CSMD1: variants seen among roughly 807,000 people sequenced by gnomAD.
CSMD1 encodes CUB and Sushi multiple domains 1.
Under a neutral mutation model 417.5 loss-of-function variants are expected in CSMD1, and 213 were observed. The ratio of observed to expected loss-of-function variants is 0.51; its 90% CI spans 0.46 to 0.57. The LOEUF (loss-of-function observed/expected upper bound fraction) is 0.57, where lower values mean the gene tolerates loss of function less well. Among genes scored for constraint, CSMD1 ranks in the 20% least tolerant of loss-of-function variants. CSMD1 has a pLI of 0.00. For missense variants in CSMD1, 6,923 were observed against 4,529.7 expected (o/e 1.53, Z -15.17); for synonymous variants, 2,862 against 1,736.8 (o/e 1.65, Z -16.11).
chr8:4,116,258 T>G (rs566890822), intron 3 of CSMD1, among the ~76,000 whole-genome samples: 150 of 152,034 alleles, frequency 9.9e-4, no homozygotes, highest in African/African-American at 3.2e-3. Context: ...CCTCCCACAG[T>G]GCTGGGATTA....
intron 5 of CSMD1, among the ~76,000 whole-genome samples, chr8:3,800,143 T>C (rs1177428152): frequency 1.3e-5 from 2 of 152,138 alleles, no homozygotes; most frequent in Non-Finnish European, 2.9e-5. Flanking sequence ...GTATGAGTTG[T>C]TTCCATGTGG....
chr8:4,945,726 G>A (rs760665340), intron 1 of CSMD1, among the ~76,000 whole-genome samples: 1 of 152,058 alleles, frequency 6.6e-6, no homozygotes, highest in Non-Finnish European at 1.5e-5. Flanking sequence ...TACAGCTTTT[G>A]GAGGGTACAA....
chr8:3,417,253 G>C (rs923153641), intron 12 of CSMD1, among the ~76,000 whole-genome samples: 2 of 152,102 alleles, frequency 1.3e-5, no homozygotes, highest in Non-Finnish European at 2.9e-5. Context: ...AATTCCATAC[G>C]GTTTGCTACT....
chr8:4,721,118 T>C (rs1346852252), intron 1 of CSMD1, among the ~76,000 whole-genome samples: 2 of 152,176 alleles, frequency 1.3e-5, no homozygotes, highest in African/African-American at 4.8e-5. Context: ...TTTGGAAACT[T>C]ACAAATGCAA....
chr8:4,931,975 G>T (rs1004245509), intron 1 of CSMD1, among the ~76,000 whole-genome samples: 3 of 150,764 alleles, frequency 2.0e-5, no homozygotes, highest in African/African-American at 7.3e-5. Context: ...TTAAAATTCA[G>T]GAAAAAATTT....
At chr8:3,564,021 T>C (rs985359184) in intron 10 of CSMD1, among the ~76,000 whole-genome samples, 1 of 152,216 alleles carries the variant, frequency 6.6e-6, no homozygotes, top group African/African-American at 2.4e-5. Context: ...ACTTTTATTT[T>C]GATTTGTAGT....
intron 2 of CSMD1, among the ~76,000 whole-genome samples, chr8:4,436,092 C>T (rs1019058453): frequency 5.9e-5 from 9 of 152,132 alleles, no homozygotes; most frequent in Non-Finnish European, 1.3e-4. Context: ...ATAAAACCAA[C>T]ATGTCCAACT....
At chr8:4,446,755 CTGTGTGTGTGTGTGTGTGTGTGTGTG>C (rs58002310) in intron 2 of CSMD1, among the ~76,000 whole-genome samples, 84 of 133,020 alleles carry the variant, frequency 6.3e-4, no homozygotes, top group Admixed American at 2.2e-3. Context: ...GTGTGTGTGT[CTGTGTGTGTGTGTGTGTGTGTGTGTG>C]TGTGTGTGTG....
intron 2 of CSMD1, among the ~76,000 whole-genome samples, chr8:4,611,138 G>C (rs887547554): frequency 2.0e-5 from 3 of 152,138 alleles, no homozygotes; most frequent in Non-Finnish European, 2.9e-5. Flanking sequence ...TTACTGTTTA[G>C]TAATATGTTC....
At chr8:3,061,235 G>C (rs1193290043) in intron 49 of CSMD1, among the ~76,000 whole-genome samples, 1 of 152,064 alleles carries the variant, frequency 6.6e-6, no homozygotes, top group African/African-American at 2.4e-5. Flanking sequence ...GGGGTTCTTT[G>C]ACAGATGTAC....
chr8:3,381,387 T>G (rs1345818616), intron 18 of CSMD1, among the ~76,000 whole-genome samples: 1 of 152,220 alleles, frequency 6.6e-6, no homozygotes, highest in Non-Finnish European at 1.5e-5. Flanking sequence ...GAAAGCCATA[T>G]GTGTTTGCAT....
chr8:4,922,471 C>A (rs546720422), intron 1 of CSMD1, among the ~76,000 whole-genome samples: 6 of 152,182 alleles, frequency 3.9e-5, no homozygotes, highest in South Asian at 2.1e-4. Context: ...TTGATATTAT[C>A]ACTTTTATGT....
chr8:3,240,110 G>A (rs1459243651), intron 26 of CSMD1, among the ~76,000 whole-genome samples: 1 of 152,154 alleles, frequency 6.6e-6, no homozygotes, highest in Non-Finnish European at 1.5e-5. Context: ...AGACTTGAGG[G>A]CTAGGCAAAA....
chr8:4,154,138 G>T (rs1796708431), intron 3 of CSMD1, among the ~76,000 whole-genome samples: 1 of 152,078 alleles, frequency 6.6e-6, no homozygotes, highest in South Asian at 2.1e-4. Flanking sequence ...GACAGCTGAG[G>T]GTGAGATATA....
chr8:4,333,774 G>C (rs1800006389), intron 3 of CSMD1, among the ~76,000 whole-genome samples: 2 of 152,094 alleles, frequency 1.3e-5, no homozygotes, highest in Admixed American at 6.6e-5. Flanking sequence ...AGGTAGCCTT[G>C]ACCTGGGTCT....
At chr8:4,859,867 G>C (rs375294737) in intron 1 of CSMD1, among the ~76,000 whole-genome samples, 5 of 152,116 alleles carry the variant, frequency 3.3e-5, no homozygotes, top group Admixed American at 1.3e-4. Flanking sequence ...CCTCAGGGAT[G>C]TAGAACTGGA....
rs537614940 is a variant in CSMD1 at position 4,215,342 on chromosome 8, A to C, written c.416-183243T>G. ...TTACATTTGGCTTTTAGATGTCCAC[A>C]GATGGCACTTCCTTTCTTGCAAAAA... is the stretch of plus-strand genomic sequence containing the variant. On this transcript the variant is annotated intron_variant, in intron 3 of 69. Transcript: ENST00000635120. Among the ~76,000 whole-genome samples the C allele has an allele frequency of 2.6e-5, 4 of 152,332 alleles. No homozygotes were observed. In the South Asian group the frequency reaches 8.3e-4, roughly 32 times the overall value.
At chr8:4,631,747 C>G (rs766774098) in intron 2 of CSMD1, among the ~76,000 whole-genome samples, 2 of 152,134 alleles carry the variant, frequency 1.3e-5, no homozygotes, top group African/African-American at 4.8e-5. Context: ...ATTTTAATGG[C>G]CCTATCACAT....
chr8:4,151,072 G>A lies in CSMD1; in HGVS notation c.416-118973C>T, dbSNP rs573666666. On this transcript the variant is annotated intron_variant, in intron 3 of 69. Coordinates refer to ENST00000635120, the MANE Select transcript of CSMD1 (RefSeq NM_033225.6). The stretch of plus-strand genomic sequence containing the variant: ...TGAGGAGCCTACAGCTAAGTTTACG[G>A]GTGGTGCCAGGGTGCAACTTGCATC... 3.9e-5 allele frequency among the ~76,000 whole-genome samples: 6 copies of A among 152,264 alleles called. No individual in the cohort carries two copies. In the East Asian group the frequency reaches 9.7e-4, roughly 25 times the overall value.
Sources: allele counts gnomAD v4.1 joint callset (sites outside exome capture counted in the v4.1 genomes callset), GRCh38; gene constraint gnomAD v4.1.1; transcripts MANE v1.5; gene names NCBI Gene and HGNC (gene_info 2026-07-23, HGNC 2026-07-21).